The following MYOM3 variants were observed in gnomAD, a reference collection of about 807,000 sequenced individuals.
MYOM3 encodes myomesin 3, also known as myomesin-3.
MYOM3 carries 155 observed loss-of-function variants against 191.7 expected under a neutral mutation model. The ratio of observed to expected loss-of-function variants is 0.81; its 90% CI spans 0.71 to 0.92. MYOM3 has a LOEUF of 0.92. Among genes scored for constraint, MYOM3 ranks in the 40% least tolerant of loss-of-function variants. The probability of loss-of-function intolerance (pLI) is 0.00; values close to 1 mark genes in which losing one functional copy is unlikely to be tolerated. For synonymous variants in MYOM3, 757 were observed against 762.9 expected (o/e 0.99, Z 0.13); for missense variants, 1,889 against 1,890.6 (o/e 1.00, Z 0.02).
rs1643474938 is a variant in MYOM3 at position 24,068,038 on chromosome 1, A to T, written c.3296-9T>A. ...CAGAAGCTTGTCAAAATCTGTGAACACAGAGGGAGGAACTGGCATGAGCCG... is the reference window on the plus strand; with the variant it reads ...CAGAAGCTTGTCAAAATCTGTGAACTCAGAGGGAGGAACTGGCATGAGCCG... On this transcript the variant is annotated splice_polypyrimidine_tract_variant and intron_variant, in intron 26 of 36. Coordinates refer to ENST00000374434, the MANE Select transcript of MYOM3 (RefSeq NM_152372.4). 1 of 1,614,110 alleles carries T rather than the reference A, an allele frequency of 6.2e-7. No individual in the cohort carries two copies. Among genetic ancestry groups the T allele is most frequent in the East Asian group, 2.2e-5 (1 of 44,878 alleles).
intron 10 of MYOM3, 113 bp downstream of exon 10, chr1:24,092,833 AG>A (rs1643856319): frequency 9.3e-7 from 1 of 1,078,422 alleles, no homozygotes; most frequent in East Asian, 2.9e-5. Flanking sequence ...TTTATGGTAG[AG>A]AAATTGAGGC....
In MYOM3 at chr1:24,080,151, G is replaced by A. The variant is rs1389606622; in HGVS notation, c.2451C>T (p.Ser817=). Residue 817 remains serine (S), a synonymous_variant, in exon 20 of 37, where the codon TCC becomes TCT. Coordinates refer to ENST00000374434, the MANE Select transcript of MYOM3 (RefSeq NM_152372.4). ...DVRASEVRAT[S]LVLQWEPPLY... is the part of the protein sequence containing the mutation. ...GTGGGGGTTCCCACTGCAGCACCAG[G>A]GATGTGGCCCGCACCTCGGATGCCC... 10 of 1,613,840 alleles carry A rather than the reference G, an allele frequency of 6.2e-6. No homozygotes were observed. Among genetic ancestry groups the A allele is most frequent in the Non-Finnish European group, 8.5e-6 (10 of 1,179,832 alleles).
intron 34 of MYOM3, 68 bp downstream of exon 34, chr1:24,061,205 T>C (rs1643365598): frequency 6.2e-7 from 1 of 1,608,254 alleles, no homozygotes; most frequent in African/African-American, 1.3e-5. Flanking sequence ...GAAGGAGTCC[T>C]GAGCCTAGTT....
intron 4 of MYOM3, among the ~76,000 whole-genome samples, chr1:24,106,685 C>A (rs558526354): frequency 2.0e-5 from 3 of 152,078 alleles, no homozygotes; most frequent in African/African-American, 7.2e-5. Flanking sequence ...TGGGTTCAAG[C>A]GATTCTCCTG....
At chr1:24,089,978 G>A in intron 13 of MYOM3, 87 bp downstream of exon 13, 1 of 1,375,724 alleles carries the variant, frequency 7.3e-7, no homozygotes, top group Non-Finnish European at 1.0e-6. Flanking sequence ...ACCCTGCACT[G>A]GGACAGCTTC....
chr1:24,107,204 C>G lies in MYOM3; in HGVS notation c.271G>C (p.Ala91Pro), dbSNP rs1443089034. The G allele has an allele frequency of 6.2e-7, 1 of 1,606,062 alleles. No homozygotes were observed. Among genetic ancestry groups the G allele is most frequent in the South Asian group, 1.1e-5 (1 of 89,310 alleles). ...TGCCCTCGCTCCTCCAGCTCCACGGCAGAGGTCTGGCGTCTCAGCTGGGCT... is the reference window on the plus strand; with the variant it reads ...TGCCCTCGCTCCTCCAGCTCCACGGGAGAGGTCTGGCGTCTCAGCTGGGCT... ...WEAQLRRQTS[A>P]VELEERGQKR... Residue 91 changes from alanine (A) to proline (P), a missense_variant, in exon 4 of 37, where the codon GCC (alanine) becomes CCC (proline). Ala to Pro is a conservative substitution (Grantham distance 27). Transcript: ENST00000374434.
At chr1:24,058,087 G>A (rs997017505) in intron 36 of MYOM3, among the ~76,000 whole-genome samples, 4 of 152,140 alleles carry the variant, frequency 2.6e-5, no homozygotes, top group Non-Finnish European at 5.9e-5. Flanking sequence ...GATTACAGGC[G>A]TGAGCCACTG....
At chr1:24,084,740 A>G in intron 15 of MYOM3, 101 bp from the exon 16 acceptor site, 1 of 1,091,764 alleles carries the variant, frequency 9.2e-7, no homozygotes, top group Non-Finnish European at 1.3e-6. Context: ...AGGAGCTCCC[A>G]CAGCAATCAA....
At position 24,067,325 on chromosome 1, in the gene MYOM3, C is replaced by T. The variant is rs12730155; in HGVS notation, c.3356-237G>A. Among the ~76,000 whole-genome samples, 141 of 58,874 alleles carry T rather than the reference C, an allele frequency of 2.4e-3. 1 individual carries two copies. The highest frequency in any genetic ancestry group is 0.013 in the East Asian group (21 of 1,626). The allele number at this position is 58,874 out of a possible 152,430, so 38.6% of individuals were successfully genotyped here. Reference sequence around the variant, plus strand: ...CTTTCCTTCTTTCTTTCTTTCTTTCCTTCTTTCTTTCTTTCTTTCTTTCTT... The same window carrying T: ...CTTTCCTTCTTTCTTTCTTTCTTTCTTTCTTTCTTTCTTTCTTTCTTTCTT... On this transcript the variant is annotated intron_variant, in intron 27 of 36. Transcript: ENST00000374434.
At position 24,098,004 on chromosome 1, in the gene MYOM3, T is replaced by A; in HGVS notation, c.664A>T (p.Ile222Phe). The A allele has an allele frequency of 6.2e-7, 1 of 1,610,372 alleles. No homozygotes were observed. The highest frequency in any genetic ancestry group is 8.5e-7 in the Non-Finnish European group (1 of 1,176,542). Reference sequence around the variant, plus strand: ...ACAGTGTAAGTTGCTGAGTCCTCAATGGCGCATCTGAAAAGGAGAGAGGGA... The same window carrying A: ...ACAGTGTAAGTTGCTGAGTCCTCAAAGGCGCATCTGAAAAGGAGAGAGGGA... Reference protein sequence around the residue: ...LLSLEIRRCAIEDSATYTVRV... With the variant: ...LLSLEIRRCAFEDSATYTVRV... Residue 222 changes from isoleucine (I) to phenylalanine (F), a missense_variant, in exon 7 of 37, where the codon ATT becomes TTT. Transcript: ENST00000374434.
intron 8 of MYOM3, 135 bp from the exon 9 acceptor site, chr1:24,095,125 T>C: frequency 1.0e-6 from 1 of 957,556 alleles, no homozygotes; most frequent in Non-Finnish European, 1.5e-6. Flanking sequence ...GGCCTTGGGG[T>C]AGGAGGGGAA....
chr1:24,085,513 C>T (rs1192408819), intron 15 of MYOM3, among the ~76,000 whole-genome samples: 2 of 152,186 alleles, frequency 1.3e-5, no homozygotes, highest in Non-Finnish European at 2.9e-5. Flanking sequence ...GGCCCCCAAA[C>T]GTTGGACTCA....
At chr1:24,066,040 G>C in intron 28 of MYOM3, 39 bp from the exon 29 acceptor site, 1 of 1,360,816 alleles carries the variant, frequency 7.3e-7, no homozygotes, top group South Asian at 1.2e-5. Context: ...TGTCAGGCTT[G>C]TTTCTTTTTG....
chr1:24,093,000 C>T lies in MYOM3; in HGVS notation c.1037G>A (p.Arg346Gln), dbSNP rs776773185. The change falls in exon 10 of 37, where the codon CGG (arginine) becomes CAG (glutamine). Residue 346 changes from arginine (R) to glutamine (Q), a missense_variant. Coordinates refer to ENST00000374434, the MANE Select transcript of MYOM3 (RefSeq NM_152372.4). The part of the protein sequence containing the change: ...YKEDEGLYMV[R>Q]VPSPFGPREQ... ...CCGGGGTCCGAAGGGCGAGGGCACC[C>T]GGACCATGTAGAGCCCCTCGTCCTC... The T allele has an allele frequency of 1.8e-5, 29 of 1,611,694 alleles. No homozygotes were observed. Among genetic ancestry groups the T allele is most frequent in the East Asian group, 4.5e-5 (2 of 44,824 alleles).
In MYOM3 at chr1:24,062,102, G is replaced by A. The variant is rs199620469; in HGVS notation, c.3778C>T (p.Arg1260Cys). ...CTTATCCGATCACCACTCTCCAGACGTTTGTCTCTGAATGTGAGGGTGGAG... is the reference window on the plus strand; with the variant it reads ...CTTATCCGATCACCACTCTCCAGACATTTGTCTCTGAATGTGAGGGTGGAG... ...MKTTWFHKDK[R>C]LESGDRIRTG... The change falls in exon 33 of 37, where the codon CGT (arginine) becomes TGT (cysteine). Residue 1260 changes from arginine (R) to cysteine (C), a missense_variant. By Grantham distance (180) the Arg-to-Cys change is radical. Coordinates refer to ENST00000374434, the MANE Select transcript of MYOM3 (RefSeq NM_152372.4). The A allele has an allele frequency of 2.0e-5, 32 of 1,613,902 alleles. No homozygotes were observed. The African/African-American group carries it at 2.8e-4, about 14-fold the overall frequency.
At chr1:24,082,471 T>C in intron 17 of MYOM3, 122 bp downstream of exon 17, 1 of 1,323,386 alleles carries the variant, frequency 7.6e-7, no homozygotes, top group Non-Finnish European at 1.0e-6. Context: ...AGCTCCAGTT[T>C]CCCTCAGAGG....
chr1:24,066,277 A>G, intron 28 of MYOM3: 1 of 713,328 alleles, frequency 1.4e-6, no homozygotes, highest in Non-Finnish European at 2.6e-6. Flanking sequence ...CACCCCCTCC[A>G]TCACGATTCA....
chr1:24,089,462 A>T, intron 14 of MYOM3, 76 bp downstream of exon 14: 1 of 1,489,674 alleles, frequency 6.7e-7, no homozygotes. Context: ...CGGCCTCCCC[A>T]GGGGACACTG....
rs1328291158 is a variant in MYOM3, at chr1:24,108,586, CT to C, written c.50del (p.Gln17ArgfsTer57). On this transcript the variant is annotated frameshift_variant, in exon 2 of 37. Transcript: ENST00000374434. LOFTEE classifies it high-confidence loss of function. ...GCTCCAGCCTGTGAACCTCCATGGC[CT>C]GGGGGGGCCGGGGGTCCCCCGCACC... ...LGGAGDPRPP[Q>X]AMEVHRLEHR... is the part of the protein sequence containing the mutation. 1 of 1,571,116 alleles carries C rather than the reference CT, an allele frequency of 6.4e-7. No individual in the cohort carries two copies. The highest frequency in any genetic ancestry group is 8.6e-7 in the Non-Finnish European group (1 of 1,159,900).
Sources: allele counts gnomAD v4.1 joint callset (sites outside exome capture counted in the v4.1 genomes callset), GRCh38; gene constraint gnomAD v4.1.1; transcripts MANE v1.5; gene names NCBI Gene and HGNC (gene_info 2026-07-23, HGNC 2026-07-21).